Variants in ZDHHC2 observed in about 807,000 individuals in gnomAD.
The protein encoded by ZDHHC2 is zDHHC palmitoyltransferase 2.
Under a neutral mutation model 55.6 loss-of-function variants are expected in ZDHHC2, and 51 were observed. That is an observed-to-expected ratio of 0.92 (90% CI 0.73 to 1.16). ZDHHC2 has a LOEUF of 1.16. Ranked by LOEUF, ZDHHC2 falls within the 50% of genes most tolerant of loss-of-function variation. The pLI is 0.00. For missense variants in ZDHHC2, 491 were observed against 442.4 expected, an observed-to-expected ratio of 1.11 and a Z score of -0.99; for synonymous variants, 199 against 152.9, an observed-to-expected ratio of 1.30 and a Z score of -2.22.
intron 3 of ZDHHC2, among the ~76,000 whole-genome samples, chr8:17,188,185 A>G (rs534564151): frequency 6.6e-6 from 1 of 152,256 alleles, no homozygotes; most frequent in East Asian, 1.9e-4. Context: ...ATACTGGAAA[A>G]CCATCTTAAG....
At chr8:17,198,837 A>G (rs1156764841) in intron 6 of ZDHHC2, among the ~76,000 whole-genome samples, 3 of 152,250 alleles carry the variant, frequency 2.0e-5, no homozygotes, top group Non-Finnish European at 4.4e-5. Context: ...ATTAAGGAGT[A>G]GAATACAACT....
chr8:17,192,450 C>G (rs1308607840), intron 3 of ZDHHC2, among the ~76,000 whole-genome samples: 2 of 152,172 alleles, frequency 1.3e-5, no homozygotes, highest in African/African-American at 4.8e-5. Flanking sequence ...AGATCTTTTG[C>G]TCATTTTTAA....
At chr8:17,204,058 G>A (rs1002557070) in intron 6 of ZDHHC2, among the ~76,000 whole-genome samples, 11 of 152,014 alleles carry the variant, frequency 7.2e-5, no homozygotes, top group African/African-American at 1.9e-4. Flanking sequence ...TGCCTGCCTC[G>A]GCCACCCAAA....
intron 1 of ZDHHC2, among the ~76,000 whole-genome samples, chr8:17,175,734 G>T (rs1805095911): frequency 6.6e-6 from 1 of 152,104 alleles, no homozygotes; most frequent in African/African-American, 2.4e-5. Context: ...CCTCAGTGAG[G>T]GTCATGGAAA....
In ZDHHC2 at chr8:17,167,914, G is replaced by A. The variant is rs139960751; in HGVS notation, c.130+11061G>A. Among the ~76,000 whole-genome samples, 51 of 152,200 alleles carry A rather than the reference G, an allele frequency of 3.4e-4. 1 individual carries two copies. Among genetic ancestry groups the A allele is most frequent in the Non-Finnish European group, 3.7e-4 (25 of 68,002 alleles). ...CATTGCCTAGAGATAACTGTAGTCC[G>A]TTTTAGTAGGTTTCAGATAATTAAC... On this transcript the variant is annotated intron_variant, in intron 1 of 12. Coordinates refer to ENST00000262096, the MANE Select transcript of ZDHHC2 (RefSeq NM_016353.5).
In ZDHHC2 at chr8:17,156,606, A is replaced by AGCGCACCCCGCCGCC. The variant is rs1403600760; in HGVS notation, c.-115_-101dup. ...GCGCCACGGCGGCGGCAGTGGCCGC[A>AGCGCACCCCGCCGCC]GCGCACCCCGCCGCCGCCCAGGAGC... On this transcript the variant is annotated 5_prime_UTR_variant, in exon 1 of 13. Coordinates refer to ENST00000262096, the MANE Select transcript of ZDHHC2 (RefSeq NM_016353.5). 1 of 793,892 alleles carries AGCGCACCCCGCCGCC rather than the reference A, an allele frequency of 1.3e-6. No homozygotes were observed. Among genetic ancestry groups the AGCGCACCCCGCCGCC allele is most frequent in the African/African-American group, 1.9e-5 (1 of 52,884 alleles). 49.2% of individuals were successfully genotyped at this position (793,892 alleles called of 1,614,324 possible).
rs1440034927 is a variant in ZDHHC2, at chr8:17,223,412, T to C, written c.*3191T>C. 6.6e-6 allele frequency: 1 copy of C among 151,908 alleles called. No individual in the cohort carries two copies. The highest frequency in any genetic ancestry group is 1.5e-5 in the Non-Finnish European group (1 of 67,818). The allele number at this position is 151,908 out of a possible 1,614,324, so 9.4% of individuals were successfully genotyped here. ...CCAAAGTGACATTTAAACAAGTGGA[T>C]TTTTCACAAATAACACGTGTTTAAT... On this transcript the variant is annotated 3_prime_UTR_variant, in exon 13 of 13. Transcript: ENST00000262096.
rs536592779 is a variant in ZDHHC2, at chr8:17,221,934, C to A, written c.*1713C>A. On this transcript the variant is annotated 3_prime_UTR_variant, in exon 13 of 13. Coordinates refer to ENST00000262096, the MANE Select transcript of ZDHHC2 (RefSeq NM_016353.5). ...GCTACTGCTAGAAGTCTTAAAAAAA[C>A]CAACAGCAGCACAGGATGTATTAAG... 2.0e-5 allele frequency: 3 copies of A among 147,944 alleles called. No homozygotes were observed. The highest frequency in any genetic ancestry group is 1.3e-4 in the Admixed American group (2 of 14,842). The allele number at this position is 147,944 out of a possible 1,614,324, so 9.2% of individuals were successfully genotyped here.
At chr8:17,194,296 AAATATTTT>A (rs1415939002) in intron 3 of ZDHHC2, among the ~76,000 whole-genome samples, 1 of 149,666 alleles carries the variant, frequency 6.7e-6, no homozygotes, top group East Asian at 1.9e-4. Context: ...TTAAATTGTA[AAATATTTT>A]ATACATATTT....
Position 17,220,347 on chromosome 8 carries a change from T to C in ZDHHC2, c.*126T>C, listed in dbSNP as rs944327039. 6.6e-6 allele frequency: 1 copy of C among 152,200 alleles called. No individual in the cohort carries two copies. The highest frequency in any genetic ancestry group is 3.2e-3 in the Middle Eastern group (1 of 316). The allele number at this position is 152,200 out of a possible 1,614,324, so 9.4% of individuals were successfully genotyped here. A position where few individuals can be genotyped will look rare whatever the true frequency, so the allele number is the denominator to read the frequency against. ...TGTCCCTTTGGCTGGAAATGCAGAA[T>C]ATGAATTGATTAGTTCTCTCCAAGC... On this transcript the variant is annotated 3_prime_UTR_variant, in exon 13 of 13. Transcript: ENST00000262096.
At position 17,197,564 on chromosome 8, in the gene ZDHHC2, G is replaced by C. The variant is rs779508872; in HGVS notation, c.374-18G>C. ...TTCAGTGTTAACTCTAAGACTAAGT[G>C]GAGCTTTTTGTCCCTAGCCATCCGA... On this transcript the variant is annotated intron_variant, in intron 4 of 12. Transcript: ENST00000262096. 1 of 1,610,990 alleles carries C rather than the reference G, an allele frequency of 6.2e-7. No homozygotes were observed. Among genetic ancestry groups the C allele is most frequent in the East Asian group, 2.2e-5 (1 of 44,830 alleles).
intron 12 of ZDHHC2, among the ~76,000 whole-genome samples, chr8:17,219,260 A>AAAAAC (rs1807796973): frequency 6.7e-6 from 1 of 150,222 alleles, no homozygotes; most frequent in Non-Finnish European, 1.5e-5. Flanking sequence ...TCTAAAAAAA[A>AAAAAC]AAAAAAAAAA....
At chr8:17,167,078 ATC>A (rs1804636865) in intron 1 of ZDHHC2, among the ~76,000 whole-genome samples, 1 of 152,212 alleles carries the variant, frequency 6.6e-6, no homozygotes, top group African/African-American at 2.4e-5. Context: ...TAGCCCTGGT[ATC>A]TAACACAGAG....
At chr8:17,175,542 A>G (rs905627539) in intron 1 of ZDHHC2, among the ~76,000 whole-genome samples, 1 of 152,214 alleles carries the variant, frequency 6.6e-6, no homozygotes, top group East Asian at 1.9e-4. Flanking sequence ...AACATGTCAC[A>G]GTTTGGTGAT....
intron 3 of ZDHHC2, among the ~76,000 whole-genome samples, chr8:17,189,776 T>C (rs967480505): frequency 1.3e-5 from 2 of 152,172 alleles, no homozygotes; most frequent in African/African-American, 4.8e-5. Context: ...TCGATGACAG[T>C]GACATTATAA....
intron 1 of ZDHHC2, 22 bp downstream of exon 1, chr8:17,156,875 GC>G: frequency 6.7e-7 from 1 of 1,482,076 alleles, no homozygotes; most frequent in Non-Finnish European, 9.0e-7. Context: ...CCCCGCCGCG[GC>G]GCCCCCAGCG....
At position 17,222,310 on chromosome 8, in the gene ZDHHC2, G is replaced by A. The variant is rs1807959100; in HGVS notation, c.*2089G>A. 6.6e-6 allele frequency: 1 copy of A among 151,538 alleles called. No individual in the cohort carries two copies. Among genetic ancestry groups the A allele is most frequent in the Non-Finnish European group, 1.5e-5 (1 of 67,718 alleles). The allele number at this position is 151,538 out of a possible 1,614,324, so 9.4% of individuals were successfully genotyped here. ...GGAGTTATAATCTTTGGAGATGATT[G>A]CATATCTCATTAGATATGCAATATA... On this transcript the variant is annotated 3_prime_UTR_variant, in exon 13 of 13. Coordinates refer to ENST00000262096, the MANE Select transcript of ZDHHC2 (RefSeq NM_016353.5).
Position 17,199,593 on chromosome 8 carries a change from TTCTTCTTTATTCTTTCTTC to T in ZDHHC2, c.476+1182_476+1200del, listed in dbSNP as rs1465611397. On this transcript the variant is annotated intron_variant, in intron 6 of 12. Coordinates refer to ENST00000262096, the MANE Select transcript of ZDHHC2 (RefSeq NM_016353.5). ...GTCTTTGTCTTCTTCTTCTTCTTTC[TTCTTCTTTATTCTTTCTTC>T]TTCTTCTTCTTCCTTTCTTCTTCTT... Among the ~76,000 whole-genome samples, 144 of 50,170 alleles carry T rather than the reference TTCTTCTTTATTCTTTCTTC, an allele frequency of 2.9e-3. 10 individuals carry two copies. The highest frequency in any genetic ancestry group is 8.3e-3 in the Non-Finnish European group (110 of 13,198). The allele number at this position is 50,170 out of a possible 152,430, so 32.9% of individuals were successfully genotyped here.
At chr8:17,207,421 C>T (rs1421098609) in intron 7 of ZDHHC2, among the ~76,000 whole-genome samples, 1 of 151,844 alleles carries the variant, frequency 6.6e-6, no homozygotes, top group Non-Finnish European at 1.5e-5. Context: ...TTCTGTGGTG[C>T]TATTATTTAA....
Sources: gnomAD v4.1 joint callset for allele counts (sites outside exome capture counted in the v4.1 genomes callset) on GRCh38, gnomAD v4.1.1 for gene constraint, MANE v1.5 for transcripts, NCBI Gene and HGNC (gene_info 2026-07-23, HGNC 2026-07-21) for gene names.